NCOA7: variants seen among roughly 807,000 people sequenced by gnomAD.
The protein encoded by NCOA7 is nuclear receptor coactivator 7.
A neutral mutation model predicts 104.3 loss-of-function variants in NCOA7; 45 were observed. That is an observed-to-expected ratio of 0.43 (90% CI 0.34 to 0.55). NCOA7 has a LOEUF of 0.55. Among genes scored for constraint, NCOA7 ranks in the 20% least tolerant of loss-of-function variants. The probability of loss-of-function intolerance (pLI) is 0.02; values close to 1 mark genes in which losing one functional copy is unlikely to be tolerated. For synonymous variants in NCOA7, 398 were observed against 402.3 expected (o/e 0.99, Z 0.13); for missense variants, 1,041 against 1,119.7 (o/e 0.93, Z 1.00).
At chr6:125,876,735 G>GT (rs1279026485) in intron 4 of NCOA7, among the ~76,000 whole-genome samples, 1 of 152,086 alleles carries the variant, frequency 6.6e-6, no homozygotes, top group Non-Finnish European at 1.5e-5. Context: ...TTTTGTGCTT[G>GT]TCATTGGAAA....
At chr6:125,812,809 C>T (rs966764159) in intron 1 of NCOA7, among the ~76,000 whole-genome samples, 27 of 152,180 alleles carry the variant, frequency 1.8e-4, no homozygotes, top group East Asian at 7.7e-4. Flanking sequence ...TCTTCGGTGC[C>T]GTAACCCACG....
At chr6:125,928,363 T>G (rs1032968425) in intron 15 of NCOA7, 116 bp downstream of exon 15, 1 of 940,846 alleles carries the variant, frequency 1.1e-6, no homozygotes, top group Non-Finnish European at 1.6e-6. Flanking sequence ...CTAGTCCATG[T>G]GCTTAGATGA....
rs1217750448 is a variant in NCOA7, at chr6:125,872,531, A to G, written c.272-2358A>G. On this transcript the variant is annotated intron_variant, in intron 3 of 15. Coordinates refer to ENST00000392477, the MANE Select transcript of NCOA7 (RefSeq NM_181782.5). ...AGGGCAGAAGTATGCAACAAAGAAA[A>G]TGGAGCTGAGATATTAAAAGGAATG... Among the ~76,000 whole-genome samples, 3 of 152,244 alleles carry G rather than the reference A, an allele frequency of 2.0e-5. No homozygotes were observed. In the East Asian group the frequency reaches 5.8e-4, roughly 29 times the overall value.
chr6:125,847,856 A>G (rs1007456937), intron 2 of NCOA7, among the ~76,000 whole-genome samples: 4 of 152,236 alleles, frequency 2.6e-5, no homozygotes, highest in African/African-American at 9.6e-5. Context: ...CTATCATCAG[A>G]GTGAACAGGA....
At chr6:125,855,955 G>A (rs1781516079) in intron 3 of NCOA7, among the ~76,000 whole-genome samples, 1 of 152,154 alleles carries the variant, frequency 6.6e-6, no homozygotes, top group Admixed American at 6.5e-5. Flanking sequence ...CTTGAAATGA[G>A]TCCATAGTGT....
chr6:125,827,982 G>A (rs1778810649), intron 2 of NCOA7, among the ~76,000 whole-genome samples: 1 of 152,220 alleles, frequency 6.6e-6, no homozygotes, highest in Admixed American at 6.5e-5. Flanking sequence ...AATTTAATAC[G>A]TTAAGTTTGA....
chr6:125,793,945 C>T lies in NCOA7; in HGVS notation c.-65+2878C>T, dbSNP rs550997579. Among the ~76,000 whole-genome samples, 5 of 152,252 alleles carry T rather than the reference C, an allele frequency of 3.3e-5. No homozygotes were observed. In the East Asian group the frequency reaches 9.6e-4, roughly 29 times the overall value. Reference sequence around the variant, plus strand: ...TTCTGTTGCTAAATTTGATCAGAAGCTTAATTGAGAGAAATGATGTTTACG... The same window carrying T: ...TTCTGTTGCTAAATTTGATCAGAAGTTTAATTGAGAGAAATGATGTTTACG... On this transcript the variant is annotated intron_variant, in intron 1 of 15. Coordinates refer to ENST00000392477, the MANE Select transcript of NCOA7 (RefSeq NM_181782.5).
chr6:125,846,946 G>A (rs2128610721), intron 2 of NCOA7, among the ~76,000 whole-genome samples: 1 of 152,284 alleles, frequency 6.6e-6, no homozygotes. Flanking sequence ...AGTAGTTCCT[G>A]TTAGAAGAAA....
At chr6:125,852,986 G>A (rs1781246651) in intron 2 of NCOA7, among the ~76,000 whole-genome samples, 1 of 152,092 alleles carries the variant, frequency 6.6e-6, no homozygotes, top group Non-Finnish European at 1.5e-5. Flanking sequence ...ATTTTGATAG[G>A]AATTGCATTG....
intron 1 of NCOA7, among the ~76,000 whole-genome samples, chr6:125,813,948 T>C (rs2128569876): frequency 6.6e-6 from 1 of 152,264 alleles, no homozygotes. Context: ...TTTTCAGCAG[T>C]ACATATCACA....
At chr6:125,793,291 T>C (rs905563337) in intron 1 of NCOA7, among the ~76,000 whole-genome samples, 1 of 152,226 alleles carries the variant, frequency 6.6e-6, no homozygotes, top group Non-Finnish European at 1.5e-5. Context: ...TTGCACACTT[T>C]AAGCTTTTCA....
At chr6:125,875,053 C>A in intron 4 of NCOA7, 85 bp downstream of exon 4, 1 of 993,154 alleles carries the variant, frequency 1.0e-6, no homozygotes, top group Non-Finnish European at 1.6e-6. Flanking sequence ...TGCCCCTTGG[C>A]TGCATTCCTC....
At position 125,874,875 on chromosome 6, in the gene NCOA7, A is replaced by G; in HGVS notation, c.272-14A>G. On this transcript the variant is annotated splice_polypyrimidine_tract_variant and intron_variant, in intron 3 of 15. Transcript: ENST00000392477. ...AAAATGAAATTATTCATTTACATACAATTTATTCTTCAGATGACAATCAAA... is the reference window on the plus strand; with the variant it reads ...AAAATGAAATTATTCATTTACATACGATTTATTCTTCAGATGACAATCAAA... 6.3e-7 allele frequency: 1 copy of G among 1,598,416 alleles called. No individual in the cohort carries two copies. The highest frequency in any genetic ancestry group is 8.6e-7 in the Non-Finnish European group (1 of 1,166,164).
chr6:125,889,579 A>G lies in NCOA7; in HGVS notation c.1525A>G (p.Asn509Asp). The G allele has an allele frequency of 6.2e-7, 1 of 1,613,976 alleles. No homozygotes were observed. The highest frequency in any genetic ancestry group is 8.5e-7 in the Non-Finnish European group (1 of 1,179,984). ...QSGSPESRVE[N>D]TLNIHEDLDK... Reference sequence around the variant, plus strand: ...TGGTTCGCCAGAAAGCCGAGTAGAAAACACACTGAACATACATGAAGATTT... The same window carrying G: ...TGGTTCGCCAGAAAGCCGAGTAGAAGACACACTGAACATACATGAAGATTT... Residue 509 changes from asparagine to aspartate, a missense_variant, in exon 9 of 16, where the codon AAC (asparagine) becomes GAC (aspartate). By Grantham distance (23) the Asn-to-Asp change is conservative (BLOSUM62 1). This residue lies in a region of NCOA7 where 914 missense variants were observed against 942.7 expected (regional missense o/e 0.97). Coordinates refer to ENST00000392477, the MANE Select transcript of NCOA7 (RefSeq NM_181782.5).
Position 125,889,247 on chromosome 6 carries a change from C to A in NCOA7, c.1193C>A (p.Ser398Tyr), listed in dbSNP as rs1784453910. ...TKLSKEPSDTSSAFESTAKEN... is the reference protein window; with the variant it reads ...TKLSKEPSDTYSAFESTAKEN... ...CTCAGCAAGGAACCTTCCGACACTT[C>A]TTCTGCATTTGAATCTACAGCCAAA... The change falls in exon 9 of 16, where the codon TCT (serine) becomes TAT (tyrosine). Residue 398 changes from serine (S) to tyrosine (Y), a missense_variant. By Grantham distance (144) the Ser-to-Tyr change is moderately radical (BLOSUM62 -2). This residue lies in a region of NCOA7 where 914 missense variants were observed against 942.7 expected (regional missense o/e 0.97). Transcript: ENST00000392477. 1 of 1,613,698 alleles carries A rather than the reference C, an allele frequency of 6.2e-7. No individual in the cohort carries two copies. The highest frequency in any genetic ancestry group is 1.1e-5 in the South Asian group (1 of 91,072).
At chr6:125,879,503 A>G (rs1015765350) in intron 5 of NCOA7, among the ~76,000 whole-genome samples, 3 of 152,144 alleles carry the variant, frequency 2.0e-5, no homozygotes, top group Non-Finnish European at 4.4e-5. Flanking sequence ...ATCAGTCCTC[A>G]TCTTATATCC....
chr6:125,867,326 C>T (rs1353221202), intron 3 of NCOA7, among the ~76,000 whole-genome samples: 3 of 152,166 alleles, frequency 2.0e-5, no homozygotes, highest in Non-Finnish European at 1.5e-5. Context: ...TCATCTGTTG[C>T]TTTGACTAGA....
chr6:125,909,034 A>G (rs1223734722), intron 10 of NCOA7, among the ~76,000 whole-genome samples: 4 of 152,254 alleles, frequency 2.6e-5, no homozygotes, highest in South Asian at 2.1e-4. Flanking sequence ...ATGATTGTCC[A>G]AAGACTTTCC....
chr6:125,919,309 A>G, intron 11 of NCOA7: 1 of 1,612,758 alleles, frequency 6.2e-7, no homozygotes, highest in Non-Finnish European at 8.5e-7. Context: ...GAGTAGAGAG[A>G]AAACTTGTTC....
Sources: allele counts gnomAD v4.1 joint callset (sites outside exome capture counted in the v4.1 genomes callset), GRCh38; gene constraint gnomAD v4.1.1; regional missense constraint gnomAD v4.1.1; transcripts MANE v1.5; gene names NCBI Gene and HGNC (gene_info 2026-07-23, HGNC 2026-07-21).